Variants in NAT16 observed in about 807,000 individuals in gnomAD.
NAT16 encodes probable N-acetyltransferase 16.
NAT16 carries 16 observed loss-of-function variants against 15.9 expected under a neutral mutation model. That is an observed-to-expected ratio of 1.01 (90% CI 0.68 to 1.53). The LOEUF is 1.53. Ranked by LOEUF, NAT16 falls within the 40% of genes most tolerant of loss-of-function variation. The pLI, the probability that NAT16 is intolerant of heterozygous loss-of-function variation, is 0.00. For missense variants in NAT16, 572 were observed against 508.4 expected, an observed-to-expected ratio of 1.13 and a Z score of -1.20; for synonymous variants, 260 against 241.9, an observed-to-expected ratio of 1.07 and a Z score of -0.69.
In NAT16 at chr7:101,171,913, G is replaced by T; in HGVS notation, c.*166C>A. 1 of 600,252 alleles carries T rather than the reference G, an allele frequency of 1.7e-6. No homozygotes were observed. The highest frequency in any genetic ancestry group is 3.0e-6 in the Non-Finnish European group (1 of 336,246). The allele number at this position is 600,252 out of a possible 1,614,324, so 37.2% of individuals were successfully genotyped here. A position where few individuals can be genotyped will look rare whatever the true frequency, so the allele number is the denominator to read the frequency against. On this transcript the variant is annotated 3_prime_UTR_variant, in exon 4 of 4. Transcript: ENST00000300303. ...GGGGAGCTAGAGGCAAGATAGTAAG[G>T]GCAAAAGGGACAGAGTGGGGGGACC...
chr7:101,172,166 T>C lies in NAT16; in HGVS notation c.1023A>G (p.Ser341=). The part of the protein sequence containing the change: ...CQLFLEPQLW[S]QLADFCQVGL... ...CGACCTGGCAGAAGTCAGCCAGCTG[T>C]GACCACAGCTGGGGCTCCAGGAAGA... is the stretch of plus-strand genomic sequence containing the variant. Residue 341 remains serine, a synonymous_variant, in exon 4 of 4, where the codon TCA becomes TCG. Coordinates refer to ENST00000300303, the MANE Select transcript of NAT16 (RefSeq NM_198571.3). The surrounding 1 kb of genome is among the most constrained non-coding windows in gnomAD (Gnocchi z 4.2). 6.2e-7 allele frequency: 1 copy of C among 1,614,040 alleles called. No homozygotes were observed. Among genetic ancestry groups the C allele is most frequent in the Non-Finnish European group, 8.5e-7 (1 of 1,179,960 alleles).
intron 2 of NAT16, chr7:101,173,851 C>T: frequency 2.8e-6 from 1 of 353,730 alleles, no homozygotes; most frequent in Admixed American, 4.5e-5. Context: ...CCAAGACTTC[C>T]TAGTAGCTGG....
intron 1 of NAT16, among the ~76,000 whole-genome samples, chr7:101,175,173 T>C (rs1342850066): frequency 1.3e-5 from 2 of 152,192 alleles, no homozygotes; most frequent in Non-Finnish European, 2.9e-5. Context: ...CAGGCTGATC[T>C]TGAATTCCTG....
rs552925088 is a variant in NAT16, at chr7:101,176,197, A to G, written c.-4-1386T>C. On this transcript the variant is annotated intron_variant, in intron 1 of 3. Coordinates refer to ENST00000300303, the MANE Select transcript of NAT16 (RefSeq NM_198571.3). Reference sequence around the variant, plus strand: ...CTCCACCTCTTGACATACACATTCAAATATAAACAAGATAGATAGCTCCAC... The same window carrying G: ...CTCCACCTCTTGACATACACATTCAGATATAAACAAGATAGATAGCTCCAC... Among the ~76,000 whole-genome samples the G allele has an allele frequency of 3.9e-5, 6 of 152,284 alleles. No homozygotes were observed. The South Asian group carries it at 1.0e-3, about 26-fold the overall frequency.
In NAT16 at chr7:101,174,729, G is replaced by C. The variant is rs767662024; in HGVS notation, c.79C>G (p.Pro27Ala). Residue 27 changes from proline to alanine, a missense_variant, in exon 2 of 4, where the codon CCA (proline) becomes GCA (alanine). Coordinates refer to ENST00000300303, the MANE Select transcript of NAT16 (RefSeq NM_198571.3). Reference protein sequence around the residue: ...PEKKTARDAEPSSETRPQEVE... With the variant: ...PEKKTARDAEASSETRPQEVE... ...TCCTGTGGCCGGGTTTCAGAGCTTG[G>C]CTCTGCATCTCGGGCAGTCTTCTTT... The C allele has an allele frequency of 1.7e-5, 28 of 1,610,986 alleles. No homozygotes were observed. The highest frequency in any genetic ancestry group is 1.6e-4 in the Middle Eastern group (1 of 6,080).
At position 101,172,679 on chromosome 7, in the gene NAT16, A is replaced by AG. The variant is rs943929748; in HGVS notation, c.538-29dup. The AG allele has an allele frequency of 1.7e-5, 24 of 1,441,394 alleles. No individual in the cohort carries two copies. In the Admixed American group the frequency reaches 2.5e-4, roughly 15 times the overall value. 89.3% of individuals were successfully genotyped at this position (1,441,394 alleles called of 1,614,324 possible). On this transcript the variant is annotated intron_variant, in intron 3 of 3. Coordinates refer to ENST00000300303, the MANE Select transcript of NAT16 (RefSeq NM_198571.3). This position sits in a 1 kb window ranked among gnomAD's most constrained non-coding sequence, Gnocchi z 4.2. ...GCGGGGGGCACGAGTGAGCGCGGGGAGGGGGGGCGCAGCAGGGCTGGCGAG... is the reference window on the plus strand; with the variant it reads ...GCGGGGGGCACGAGTGAGCGCGGGGAGGGGGGGGCGCAGCAGGGCTGGCGAG...
chr7:101,177,074 T>C (rs1386829418), intron 1 of NAT16, among the ~76,000 whole-genome samples: 1 of 152,174 alleles, frequency 6.6e-6, no homozygotes, highest in Non-Finnish European at 1.5e-5. Flanking sequence ...TGTTTTCTGA[T>C]TCTTTCTCAT....
At chr7:101,178,469 T>G (rs1797513267) in intron 1 of NAT16, among the ~76,000 whole-genome samples, 1 of 151,954 alleles carries the variant, frequency 6.6e-6, no homozygotes. Flanking sequence ...CGTGGAACTC[T>G]TAACTCTCAT....
At chr7:101,178,790 C>T (rs1338765397) in intron 1 of NAT16, among the ~76,000 whole-genome samples, 7 of 140,232 alleles carry the variant, frequency 5.0e-5, no homozygotes, top group Non-Finnish European at 9.0e-5. Flanking sequence ...ACTCAGGAGG[C>T]TGAGGCAGGA....
chr7:101,173,173 T>C, intron 3 of NAT16, 123 bp downstream of exon 3: 1 of 897,780 alleles, frequency 1.1e-6, no homozygotes, highest in African/African-American at 1.6e-5. Context: ...GCAAGGCTCA[T>C]GGGCCGCGCC....
Position 101,172,655 on chromosome 7 carries a change from C to T in NAT16, c.538-4G>A, listed in dbSNP as rs534596351. On this transcript the variant is annotated splice_polypyrimidine_tract_variant and splice_region_variant and intron_variant, in intron 3 of 3. Transcript: ENST00000300303. The surrounding 1 kb of genome is among the most constrained non-coding windows in gnomAD (Gnocchi z 4.2). ...TGAATCGGACCAAAAGGATGCCCTGCGGGGGGCACGAGTGAGCGCGGGGAG... is the reference window on the plus strand; with the variant it reads ...TGAATCGGACCAAAAGGATGCCCTGTGGGGGGCACGAGTGAGCGCGGGGAG... 1.5e-5 allele frequency: 22 copies of T among 1,498,094 alleles called. No individual in the cohort carries two copies. In the East Asian group the frequency reaches 5.9e-4, roughly 40 times the overall value. 92.8% of individuals were successfully genotyped at this position (1,498,094 alleles called of 1,614,324 possible).
chr7:101,176,217 C>T (rs536140150), intron 1 of NAT16, among the ~76,000 whole-genome samples: 13 of 152,298 alleles, frequency 8.5e-5, no homozygotes, highest in African/African-American at 2.9e-4. Flanking sequence ...AGATAGATAG[C>T]TCCACTAGAA....
chr7:101,172,688 G>C lies in NAT16; in HGVS notation c.538-37C>G. The C allele has an allele frequency of 7.1e-7, 1 of 1,415,980 alleles. No homozygotes were observed. Among genetic ancestry groups the C allele is most frequent in the Non-Finnish European group, 9.2e-7 (1 of 1,086,506 alleles). 87.7% of individuals were successfully genotyped at this position (1,415,980 alleles called of 1,614,324 possible). A position where few individuals can be genotyped will look rare whatever the true frequency, so the allele number is the denominator to read the frequency against. On this transcript the variant is annotated intron_variant, in intron 3 of 3. Coordinates refer to ENST00000300303, the MANE Select transcript of NAT16 (RefSeq NM_198571.3). The surrounding 1 kb of genome is among the most constrained non-coding windows in gnomAD (Gnocchi z 4.2). ...ACGAGTGAGCGCGGGGAGGGGGGGCGCAGCAGGGCTGGCGAGCCCGGCGCC... is the reference window on the plus strand; with the variant it reads ...ACGAGTGAGCGCGGGGAGGGGGGGCCCAGCAGGGCTGGCGAGCCCGGCGCC...
At position 101,173,514 on chromosome 7, in the gene NAT16, G is replaced by T; in HGVS notation, c.319C>A (p.Leu107Met). The change falls in exon 3 of 4, where the codon CTG becomes ATG. Residue 107 changes from leucine (L) to methionine (M), a missense_variant. Leu to Met is a conservative substitution (Grantham distance 15). Transcript: ENST00000300303. ...GCGTCGATCACGTTCACCGACTCCA[G>T]CGCGATCTGCGGACCGAGGCCGTTA... is the stretch of plus-strand genomic sequence containing the variant. Reference protein sequence around the residue: ...LAKRNGGVIALESVNVIDAGE... With the variant: ...LAKRNGGVIAMESVNVIDAGE... The T allele has an allele frequency of 1.3e-6, 2 of 1,593,104 alleles. No individual in the cohort carries two copies. Among genetic ancestry groups the T allele is most frequent in the South Asian group, 1.1e-5 (1 of 89,738 alleles).
rs374684976 is a variant in NAT16, at chr7:101,177,116, TG to T, written c.-4-2306del. The stretch of plus-strand genomic sequence containing the variant: ...CCAACACCTGGAGATTACCTGGATA[TG>T]GAGCCAGAATTATCAGAGAGGAGGA... On this transcript the variant is annotated intron_variant, in intron 1 of 3. Coordinates refer to ENST00000300303, the MANE Select transcript of NAT16 (RefSeq NM_198571.3). Among the ~76,000 whole-genome samples the T allele has an allele frequency of 1.2e-3, 176 of 152,264 alleles. 1 individual carries two copies. Among genetic ancestry groups the T allele is most frequent in the African/African-American group, 3.9e-3 (164 of 41,552 alleles).
At chr7:101,174,198 C>A (rs1584221418) in intron 2 of NAT16, 2 of 483,560 alleles carry the variant, frequency 4.1e-6, no homozygotes, top group East Asian at 3.3e-5. Context: ...CCTACCCTCT[C>A]TCTCCTGCTC....
intron 1 of NAT16, among the ~76,000 whole-genome samples, chr7:101,177,977 C>T (rs533311146): frequency 6.6e-6 from 1 of 152,290 alleles, no homozygotes; most frequent in Non-Finnish European, 1.5e-5. Context: ...TCATGGGTCC[C>T]AGGAAAATGC....
intron 2 of NAT16, chr7:101,173,753 G>C: frequency 1.9e-6 from 1 of 533,230 alleles, no homozygotes; most frequent in Non-Finnish European, 3.3e-6. Context: ...ATTTAGGACA[G>C]GGTCTCCTCA....
intron 1 of NAT16, among the ~76,000 whole-genome samples, chr7:101,176,540 T>G (rs1315430169): frequency 6.7e-6 from 1 of 150,174 alleles, no homozygotes; most frequent in African/African-American, 2.5e-5. Flanking sequence ...TGTCAAACCA[T>G]TCTTTCTAAG....
Sources: gnomAD v4.1 joint callset for allele counts (sites outside exome capture counted in the v4.1 genomes callset) on GRCh38, gnomAD v4.1.1 for gene constraint, Gnocchi (gnomAD v3.1) non-coding constraint, MANE v1.5 for transcripts, NCBI Gene and HGNC (gene_info 2026-07-23, HGNC 2026-07-21) for gene names.